Variants in MTMR3 observed in about 807,000 individuals in gnomAD.
MTMR3 encodes myotubularin related protein 3.
Under a neutral mutation model 132.4 loss-of-function variants are expected in MTMR3, and 32 were observed. The observed-to-expected ratio is 0.24, with a 90% CI of 0.18 to 0.32. The LOEUF (loss-of-function observed/expected upper bound fraction) is 0.32, where lower values mean the gene tolerates loss of function less well. Ranked by LOEUF, MTMR3 falls within the 10% of genes least tolerant of loss-of-function variation. MTMR3 has a pLI of 1.00. For synonymous variants in MTMR3, 556 were observed against 550.3 expected, an observed-to-expected ratio of 1.01 and a Z score of -0.14; for missense variants, 1,216 against 1,489.6, an observed-to-expected ratio of 0.82 and a Z score of 3.02.
chr22:30,004,260 C>T (rs1244397581), intron 9 of MTMR3: 1 of 152,204 alleles, frequency 6.6e-6, no homozygotes, highest in Non-Finnish European at 1.5e-5. Context: ...ATTTATGAGT[C>T]TTATCAATGA....
At chr22:30,009,387 C>G in intron 12 of MTMR3, 1 of 409,666 alleles carries the variant, frequency 2.4e-6, no homozygotes, top group Non-Finnish European at 4.4e-6. Flanking sequence ...CAGAAGAAAT[C>G]TCAGCATCAA....
chr22:29,976,120 G>GT lies in MTMR3; in HGVS notation c.4-2306dup, dbSNP rs34984702. On this transcript the variant is annotated intron_variant, in intron 3 of 19. Coordinates refer to ENST00000401950, the MANE Select transcript of MTMR3 (RefSeq NM_021090.4). ...AAGTTGACATTTTATTATAGTGTGTGTTTTTTTTTTTTTTTTAAATCACAC... is the reference window on the plus strand; with the variant it reads ...AAGTTGACATTTTATTATAGTGTGTGTTTTTTTTTTTTTTTTTAAATCACAC... Among the ~76,000 whole-genome samples the GT allele has an allele frequency of 9.1e-3, 1,285 of 141,946 alleles. 15 individuals carry two copies. Among genetic ancestry groups the GT allele is most frequent in the African/African-American group, 0.028 (1,095 of 38,628 alleles). The allele number at this position is 141,946 out of a possible 152,430, so 93.1% of individuals were successfully genotyped here.
chr22:29,987,303 A>C (rs1182099755), intron 5 of MTMR3: 1 of 152,204 alleles, frequency 6.6e-6, no homozygotes, highest in East Asian at 1.9e-4. Flanking sequence ...GGTGGGGCAG[A>C]GTTTGCAGGA....
intron 1 of MTMR3, among the ~76,000 whole-genome samples, chr22:29,883,878 G>A (rs1033992833): frequency 2.0e-5 from 3 of 152,180 alleles, no homozygotes; most frequent in African/African-American, 7.2e-5. Context: ...CGTGCAGCAG[G>A]GCATCCCCCT....
At chr22:29,921,489 G>C (rs1302497469) in intron 1 of MTMR3, among the ~76,000 whole-genome samples, 3 of 151,868 alleles carry the variant, frequency 2.0e-5, no homozygotes, top group African/African-American at 7.3e-5. Flanking sequence ...GAGAGCTTAG[G>C]ATCTTATTAC....
At chr22:30,011,062 T>C (rs1569048460) in intron 12 of MTMR3, 2 of 152,226 alleles carry the variant, frequency 1.3e-5, no homozygotes. Context: ...TGTTGTCTCT[T>C]TGCCTGGAAA....
chr22:30,015,733 C>T (rs1317461865), intron 14 of MTMR3: 1 of 152,220 alleles, frequency 6.6e-6, no homozygotes, highest in African/African-American at 2.4e-5. Flanking sequence ...ACATTTTACA[C>T]AAAAGCCAAA....
At chr22:29,983,740 T>G (rs923316462) in intron 5 of MTMR3, 3 of 152,192 alleles carry the variant, frequency 2.0e-5, no homozygotes, top group Non-Finnish European at 4.4e-5. Flanking sequence ...TGCGCTTAGG[T>G]GATCCTCCCA....
chr22:29,947,808 A>G (rs1681640938), intron 1 of MTMR3, among the ~76,000 whole-genome samples: 2 of 152,184 alleles, frequency 1.3e-5, no homozygotes, highest in South Asian at 2.1e-4. Context: ...TCTAGTTTAC[A>G]TGAGATAAAT....
chr22:30,023,238 G>A, intron 19 of MTMR3: 1 of 587,096 alleles, frequency 1.7e-6, no homozygotes, highest in Non-Finnish European at 3.1e-6. Context: ...CTTTGCCCCA[G>A]CTAGGGTGTT....
rs146435271 is a variant in MTMR3, at chr22:29,948,246, A to G, written c.-137-8790A>G. On this transcript the variant is annotated intron_variant, in intron 1 of 19. Transcript: ENST00000401950. ...TCATTGTTGAGTTGTATGCTTAAAG[A>G]ATGCATCTGCATTTTCATTCAGCTT... Among the ~76,000 whole-genome samples, 681 of 152,338 alleles carry G rather than the reference A, an allele frequency of 4.5e-3. 6 individuals are homozygous for G. The highest frequency in any genetic ancestry group is 0.015 in the African/African-American group (643 of 41,568).
chr22:29,910,730 A>C (rs552594319), intron 1 of MTMR3, among the ~76,000 whole-genome samples: 27 of 148,844 alleles, frequency 1.8e-4, no homozygotes, highest in Non-Finnish European at 2.1e-4. Context: ...TTTTTTTTTA[A>C]CCTGTTAAGA....
At chr22:29,921,820 G>T (rs2145771055) in intron 1 of MTMR3, among the ~76,000 whole-genome samples, 1 of 148,406 alleles carries the variant, frequency 6.7e-6, no homozygotes. Flanking sequence ...TTAACATAAT[G>T]TCTTTAAGGT....
At chr22:29,900,536 T>G (rs1341393677) in intron 1 of MTMR3, among the ~76,000 whole-genome samples, 2 of 152,172 alleles carry the variant, frequency 1.3e-5, no homozygotes, top group Non-Finnish European at 2.9e-5. Flanking sequence ...GTATTGAGGC[T>G]TAGTTAACTA....
intron 2 of MTMR3, among the ~76,000 whole-genome samples, chr22:29,964,796 ACT>A (rs936888467): frequency 1.3e-5 from 2 of 151,914 alleles, no homozygotes; most frequent in African/African-American, 4.8e-5. Context: ...AAATCACGTC[ACT>A]CTGCTATTTA....
chr22:29,938,326 C>G (rs550921678), intron 1 of MTMR3, among the ~76,000 whole-genome samples: 51 of 152,332 alleles, frequency 3.3e-4, no homozygotes, highest in African/African-American at 1.0e-3. Context: ...CCCACACCCC[C>G]CTTTCTTGAG....
chr22:29,949,785 G>A (rs1485194858), intron 1 of MTMR3, among the ~76,000 whole-genome samples: 1 of 152,134 alleles, frequency 6.6e-6, no homozygotes, highest in Non-Finnish European at 1.5e-5. Context: ...AGAGTCGTCA[G>A]TCTAGTGTTA....
Position 30,020,520 on chromosome 22 carries a change from C to T in MTMR3, c.2861C>T (p.Pro954Leu). The change falls in exon 17 of 20, where the codon CCC (proline) becomes CTC (leucine). Residue 954 changes from proline (P) to leucine (L), a missense_variant. Physicochemically the swap from Pro to Leu is moderately conservative, Grantham distance 98. Coordinates refer to ENST00000401950, the MANE Select transcript of MTMR3 (RefSeq NM_021090.4). ...GLSTLQMYPTPNGHCANGEAG... is the reference protein window; with the variant it reads ...GLSTLQMYPTLNGHCANGEAG... ...AGCACCCTCCAGATGTACCCCACAC[C>T]CAATGGGCATTGCGCCAATGGGGAG... The T allele has an allele frequency of 6.2e-7, 1 of 1,614,172 alleles. No individual in the cohort carries two copies. The highest frequency in any genetic ancestry group is 8.5e-7 in the Non-Finnish European group (1 of 1,180,026).
Position 30,007,220 on chromosome 22 carries a change from G to A in MTMR3, c.778G>A (p.Ala260Thr), listed in dbSNP as rs1267518650. 1 of 1,614,092 alleles carries A rather than the reference G, an allele frequency of 6.2e-7. No homozygotes were observed. The highest frequency in any genetic ancestry group is 8.5e-7 in the Non-Finnish European group (1 of 1,180,040). The part of the protein sequence containing the change: ...DEHLVQSVAK[A>T]CASDSRSSGS... ...GCATCTGGTACAGTCAGTAGCCAAAGCTTGTGCCTCTGACTCCCGATCGAG... is the reference window on the plus strand; with the variant it reads ...GCATCTGGTACAGTCAGTAGCCAAAACTTGTGCCTCTGACTCCCGATCGAG... Residue 260 changes from alanine (A) to threonine (T), a missense_variant, in exon 10 of 20, where the codon GCT (alanine) becomes ACT (threonine). Around this residue, in one of 7 missense-constraint regions of MTMR3, gnomAD observed 129 missense variants for 245.7 expected, o/e 0.53. Transcript: ENST00000401950.
Sources: gnomAD v4.1 joint callset for allele counts (sites outside exome capture counted in the v4.1 genomes callset) on GRCh38, gnomAD v4.1.1 for gene constraint, gnomAD v4.1.1 regional missense constraint, MANE v1.5 for transcripts, NCBI Gene and HGNC (gene_info 2026-07-23, HGNC 2026-07-21) for gene names.